Variants in ERAP2 observed in about 807,000 individuals in gnomAD.
ERAP2 encodes endoplasmic reticulum aminopeptidase 2, also known as leukocyte-derived arginine aminopeptidase.
Under a neutral mutation model 111.1 loss-of-function variants are expected in ERAP2, and 118 were observed. The ratio of observed to expected loss-of-function variants is 1.06; its 90% CI spans 0.92 to 1.24. The LOEUF (loss-of-function observed/expected upper bound fraction) is 1.24. Ranked by LOEUF, ERAP2 falls within the 50% of genes most tolerant of loss-of-function variation. ERAP2 has a pLI of 0.00. For missense variants in ERAP2, 1,131 were observed against 1,125.8 expected, an observed-to-expected ratio of 1.00 and a Z score of -0.07; for synonymous variants, 410 against 401.2, an observed-to-expected ratio of 1.02 and a Z score of -0.26.
At position 96,880,093 on chromosome 5, in the gene ERAP2, A is replaced by G. The variant is rs2151113576; in HGVS notation, c.408A>G (p.Glu136=). ...CAAGATACATGAAACCAGGAAAAGA[A>G]CTGAAAGTTTTGAGTTACCCTGCTC... is the stretch of plus-strand genomic sequence containing the variant. ...EDSRYMKPGK[E]LKVLSYPAHE... Residue 136 remains glutamate, a synonymous_variant, in exon 2 of 19, where the codon GAA becomes GAG. Transcript: ENST00000437043. The G allele has an allele frequency of 6.2e-7, 1 of 1,614,196 alleles. No homozygotes were observed. Among genetic ancestry groups the G allele is most frequent in the Non-Finnish European group, 8.5e-7 (1 of 1,180,026 alleles).
Position 96,909,668 on chromosome 5 carries a change from C to T in ERAP2, c.2258C>T (p.Ala753Val), listed in dbSNP as rs772736884. ...GSVWDRMLRS[A>V]LLKLACDLNH... Reference sequence around the variant, plus strand: ...GTCTGGGACAGGATGCTCCGCTCGGCTCTCTTGAAGCTGGCCTGTGACCTG... The same window carrying T: ...GTCTGGGACAGGATGCTCCGCTCGGTTCTCTTGAAGCTGGCCTGTGACCTG... The change falls in exon 15 of 19, where the codon GCT (alanine) becomes GTT (valine). Residue 753 changes from alanine (A) to valine (V), a missense_variant. Ala to Val is a moderately conservative substitution (Grantham distance 64). Around this residue, in one of 3 missense-constraint regions of ERAP2, gnomAD observed 279 missense variants for 250.9 expected, o/e 1.11. Transcript: ENST00000437043. The T allele has an allele frequency of 7.4e-6, 12 of 1,614,192 alleles. No individual in the cohort carries two copies. The highest frequency in any genetic ancestry group is 1.0e-5 in the Non-Finnish European group (12 of 1,180,018).
chr5:96,917,138 G>A (rs1363980275), intron 18 of ERAP2, among the ~76,000 whole-genome samples: 8 of 152,068 alleles, frequency 5.3e-5, no homozygotes, highest in African/African-American at 1.9e-4. Flanking sequence ...AAACTGCCTC[G>A]CTCTGTCAGC....
Position 96,909,445 on chromosome 5 carries a change from G to C in ERAP2, c.2170-135G>C, listed in dbSNP as rs1016752864. 5.6e-6 allele frequency: 4 copies of C among 715,594 alleles called. No individual in the cohort carries two copies. The African/African-American group carries it at 7.1e-5, about 13-fold the overall frequency. 44.3% of individuals were successfully genotyped at this position (715,594 alleles called of 1,614,324 possible). A position where few individuals can be genotyped will look rare whatever the true frequency, so the allele number is the denominator to read the frequency against. Reference sequence around the variant, plus strand: ...GGGTAACAGCCAGAAAAAGATAAGAGAAATACGAAGATACACTGTTTGGGG... The same window carrying C: ...GGGTAACAGCCAGAAAAAGATAAGACAAATACGAAGATACACTGTTTGGGG... On this transcript the variant is annotated intron_variant, in intron 14 of 18. Transcript: ENST00000437043.
intron 6 of ERAP2, among the ~76,000 whole-genome samples, chr5:96,893,862 G>A (rs1454842252): frequency 1.3e-5 from 2 of 152,090 alleles, no homozygotes; most frequent in African/African-American, 4.8e-5. Context: ...CTACACCTAA[G>A]CTTTAGCCAT....
At chr5:96,884,155 T>C (rs201439687) in intron 3 of ERAP2, among the ~76,000 whole-genome samples, 9 of 148,212 alleles carry the variant, frequency 6.1e-5, no homozygotes, top group Non-Finnish European at 9.0e-5. Flanking sequence ...GCTTTTTTTT[T>C]CCCAAGCAAA....
In ERAP2 at chr5:96,879,889, G is replaced by C. The variant is rs202185665; in HGVS notation, c.204G>C (p.Arg68Ser). Residue 68 changes from arginine to serine, a missense_variant, in exon 2 of 19, where the codon AGG becomes AGC. This residue lies in a region of ERAP2 where 847 missense variants were observed against 856.5 expected (regional missense o/e 0.99). Coordinates refer to ENST00000437043, the MANE Select transcript of ERAP2 (RefSeq NM_022350.5). ...AACGATTTCCTTGGCAGGAGCTAAG[G>C]CTCCCCAGTGTGGTCATTCCTCTCC... ...NGERFPWQEL[R>S]LPSVVIPLHY... 109 of 1,614,002 alleles carry C rather than the reference G, an allele frequency of 6.8e-5. No individual in the cohort carries two copies. The highest frequency in any genetic ancestry group is 4.6e-4 in the South Asian group (42 of 91,086).
chr5:96,889,519 A>G (rs1387210965), intron 5 of ERAP2: 3 of 702,628 alleles, frequency 4.3e-6, no homozygotes, highest in Non-Finnish European at 7.6e-6. Context: ...CTATTCTTTT[A>G]TCAGGTTTAA....
At chr5:96,885,914 C>T (rs1783671696) in intron 3 of ERAP2, among the ~76,000 whole-genome samples, 1 of 152,208 alleles carries the variant, frequency 6.6e-6, no homozygotes, top group Admixed American at 6.5e-5. Context: ...AAAGTTTCTG[C>T]TTCCTCAGGA....
chr5:96,900,972 G>C (rs903810816), intron 10 of ERAP2, among the ~76,000 whole-genome samples: 1 of 152,124 alleles, frequency 6.6e-6, no homozygotes, highest in Non-Finnish European at 1.5e-5. Flanking sequence ...GCCCTAAATT[G>C]TGTTTTCTAA....
chr5:96,891,295 A>G (rs1273308206), intron 5 of ERAP2, among the ~76,000 whole-genome samples: 1 of 151,746 alleles, frequency 6.6e-6, no homozygotes, highest in Non-Finnish European at 1.5e-5. Flanking sequence ...CCTACGTGAA[A>G]TCATTAGCAA....
At chr5:96,917,381 G>GA in intron 18 of ERAP2, 81 bp from the exon 19 acceptor site, 1 of 1,403,710 alleles carries the variant, frequency 7.1e-7, no homozygotes, top group South Asian at 1.3e-5. Context: ...TTGGCCTCCC[G>GA]AAGTGCTGGG....
At chr5:96,876,548 T>C (rs1782545146) in intron 1 of ERAP2, 21 bp downstream of exon 1, 1 of 152,316 alleles carries the variant, frequency 6.6e-6, no homozygotes, top group South Asian at 2.1e-4. Context: ...AACATTTCTC[T>C]TGGGTTTGTC....
At chr5:96,911,315 G>A (rs559114829) in intron 15 of ERAP2, among the ~76,000 whole-genome samples, 80 of 152,272 alleles carry the variant, frequency 5.3e-4, no homozygotes, top group Middle Eastern at 3.4e-3. Context: ...TCAATGCTCT[G>A]TGTTGTGTTT....
intron 2 of ERAP2, chr5:96,881,219 C>A: frequency 2.8e-6 from 1 of 353,656 alleles, no homozygotes; most frequent in Non-Finnish European, 5.6e-6. Flanking sequence ...AAGATCAAGT[C>A]TATGTTGAGG....
chr5:96,909,527 T>G, intron 14 of ERAP2, 53 bp from the exon 15 acceptor site: 2 of 1,433,216 alleles, frequency 1.4e-6, no homozygotes, highest in East Asian at 2.3e-5. Flanking sequence ...GGGCAAGAAC[T>G]GTGTTAAGGA....
intron 4 of ERAP2, among the ~76,000 whole-genome samples, chr5:96,887,196 A>G (rs1453193174): frequency 1.3e-5 from 2 of 151,354 alleles, no homozygotes; most frequent in African/African-American, 4.8e-5. Context: ...ATATGCCATA[A>G]AAGTTGAATG....
chr5:96,903,649 C>A, intron 13 of ERAP2, 89 bp downstream of exon 13: 1 of 1,210,132 alleles, frequency 8.3e-7, no homozygotes, highest in Non-Finnish European at 1.1e-6. Flanking sequence ...CAACATTGGT[C>A]ATTGATTTAA....
At chr5:96,902,862 T>C (rs559777593) in intron 12 of ERAP2, 1 of 155,518 alleles carries the variant, frequency 6.4e-6, no homozygotes, top group South Asian at 2.0e-4. Flanking sequence ...CCCTCTAGTA[T>C]AATATATGCC....
intron 15 of ERAP2, among the ~76,000 whole-genome samples, chr5:96,910,714 C>A (rs903660540): frequency 1.4e-4 from 21 of 152,134 alleles, no homozygotes; most frequent in South Asian, 4.1e-4. Flanking sequence ...TGCTCACAAT[C>A]AAAAATATGT....
Sources: allele counts gnomAD v4.1 joint callset (sites outside exome capture counted in the v4.1 genomes callset), GRCh38; gene constraint gnomAD v4.1.1; regional missense constraint gnomAD v4.1.1; transcripts MANE v1.5; gene names NCBI Gene and HGNC (gene_info 2026-07-23, HGNC 2026-07-21).